Variants in PHF14 observed in about 807,000 individuals in gnomAD.
PHF14 encodes the protein PHD finger protein 14.
In PHF14, 55 loss-of-function variants were observed where a neutral mutation model predicts 117.9. That is an observed-to-expected ratio of 0.47 (90% CI 0.38 to 0.58). The LOEUF (loss-of-function observed/expected upper bound fraction) is 0.58, where lower values mean the gene tolerates loss of function less well. Among genes scored for constraint, PHF14 ranks in the 20% least tolerant of loss-of-function variants. The pLI, the probability that PHF14 is intolerant of heterozygous loss-of-function variation, is 0.00. For synonymous variants in PHF14, 409 were observed against 368.6 expected, an observed-to-expected ratio of 1.11 and a Z score of -1.26; for missense variants, 978 against 1,122.2, an observed-to-expected ratio of 0.87 and a Z score of 1.84.
At chr7:11,055,983 A>G (rs901607819) in intron 14 of PHF14, among the ~76,000 whole-genome samples, 1 of 152,156 alleles carries the variant, frequency 6.6e-6, no homozygotes, top group Non-Finnish European at 1.5e-5. Context: ...CTGGGAAAGA[A>G]GAGTTATTTG....
chr7:11,017,657 C>A (rs1783578655), intron 5 of PHF14, among the ~76,000 whole-genome samples: 1 of 150,934 alleles, frequency 6.6e-6, no homozygotes, highest in Non-Finnish European at 1.5e-5. Context: ...GTTATTTATC[C>A]CTTGTTAGTT....
chr7:10,973,985 T>G lies in PHF14; in HGVS notation c.-339T>G. On this transcript the variant is annotated 5_prime_UTR_variant, in exon 1 of 18. Transcript: ENST00000634607. ...TGCTTCTGGTCCAGGCTAATAAAGT[T>G]TTTCTTTCTTTAATTTTTTTTCTTC... 1 of 268,146 alleles carries G rather than the reference T, an allele frequency of 3.7e-6. No homozygotes were observed. The highest frequency in any genetic ancestry group is 7.2e-6 in the Non-Finnish European group (1 of 137,960). 16.6% of individuals were successfully genotyped at this position (268,146 alleles called of 1,614,324 possible).
intron 16 of PHF14, among the ~76,000 whole-genome samples, chr7:11,093,791 A>T (rs1452340281): frequency 6.6e-6 from 1 of 152,050 alleles, no homozygotes; most frequent in African/African-American, 2.4e-5. Context: ...TTCCTATGGC[A>T]GCTTTATTCT....
intron 17 of PHF14, among the ~76,000 whole-genome samples, chr7:11,149,349 T>G (rs17163999): frequency 0.021 from 3,173 of 152,224 alleles, 106 homozygotes; most frequent in East Asian, 0.13. Context: ...TTAGGAGACA[T>G]AAATTCAGAT....
intron 13 of PHF14, among the ~76,000 whole-genome samples, chr7:11,043,422 C>G (rs1409277872): frequency 6.6e-6 from 1 of 151,910 alleles, no homozygotes; most frequent in Non-Finnish European, 1.5e-5. Context: ...AATGATTTCT[C>G]ATAGGAAGGA....
chr7:11,148,557 T>A (rs1788617644), intron 17 of PHF14, among the ~76,000 whole-genome samples: 1 of 151,986 alleles, frequency 6.6e-6, no homozygotes, highest in South Asian at 2.1e-4. Context: ...CTTTACCCTG[T>A]TTCTTTCACT....
intron 2 of PHF14, among the ~76,000 whole-genome samples, chr7:10,976,123 TA>T (rs1781854697): frequency 6.6e-6 from 1 of 152,214 alleles, no homozygotes; most frequent in Non-Finnish European, 1.5e-5. Flanking sequence ...CTTCAGAATT[TA>T]GTCTGTTTAT....
intron 7 of PHF14, among the ~76,000 whole-genome samples, chr7:11,029,950 A>G (rs1351349296): frequency 2.6e-5 from 4 of 152,038 alleles, no homozygotes; most frequent in African/African-American, 9.7e-5. Flanking sequence ...AGATACTCTG[A>G]TGAAGAAAAA....
At chr7:11,061,083 G>C in intron 14 of PHF14, among the ~76,000 whole-genome samples, 1 of 152,106 alleles carries the variant, frequency 6.6e-6, no homozygotes. Flanking sequence ...AGGGAACAGT[G>C]GTCTGCATAT....
At chr7:11,006,314 C>T in intron 4 of PHF14, 1 of 407,374 alleles carries the variant, frequency 2.5e-6, no homozygotes, top group Non-Finnish European at 4.7e-6. Flanking sequence ...CTGTTACTTG[C>T]CTGTCATTTT....
intron 17 of PHF14, among the ~76,000 whole-genome samples, chr7:11,118,112 T>C (rs760070107): frequency 4.0e-5 from 6 of 151,898 alleles, no homozygotes; most frequent in Non-Finnish European, 8.8e-5. Flanking sequence ...GCCTTTTTAC[T>C]AATACAGATA....
intron 6 of PHF14, among the ~76,000 whole-genome samples, chr7:11,026,078 C>T (rs1420558737): frequency 6.7e-6 from 1 of 149,174 alleles, no homozygotes; most frequent in African/African-American, 2.5e-5. Context: ...CACCACTGCA[C>T]TCCAGCCTGG....
At chr7:11,141,005 G>A (rs1185562683) in intron 17 of PHF14, among the ~76,000 whole-genome samples, 1 of 152,000 alleles carries the variant, frequency 6.6e-6, no homozygotes, top group African/African-American at 2.4e-5. Context: ...AGTAAAATAT[G>A]TTCTGAGGAA....
At chr7:11,120,048 TA>T (rs1298230683) in intron 17 of PHF14, among the ~76,000 whole-genome samples, 9 of 113,878 alleles carry the variant, frequency 7.9e-5, no homozygotes, top group African/African-American at 3.1e-4. Flanking sequence ...TGATAATAGT[TA>T]TTTTTTCCCA....
At chr7:11,111,707 T>A (rs931183495) in intron 17 of PHF14, among the ~76,000 whole-genome samples, 3 of 152,124 alleles carry the variant, frequency 2.0e-5, no homozygotes, top group Non-Finnish European at 4.4e-5. Context: ...TATTCTCTAT[T>A]ATTGTAACAT....
chr7:11,062,669 A>G (rs1785269187), intron 16 of PHF14: 2 of 982,672 alleles, frequency 2.0e-6, no homozygotes, highest in Admixed American at 6.2e-5. Context: ...TTTTTTAATC[A>G]GACATAATGC....
At chr7:11,129,803 A>T (rs774787294) in intron 17 of PHF14, among the ~76,000 whole-genome samples, 43 of 152,016 alleles carry the variant, frequency 2.8e-4, no homozygotes, top group Admixed American at 7.2e-4. Flanking sequence ...GCATGTATGC[A>T]TTTAATTATG....
intron 17 of PHF14, among the ~76,000 whole-genome samples, chr7:11,125,003 A>G (rs1483147066): frequency 6.6e-6 from 1 of 152,114 alleles, no homozygotes; most frequent in Admixed American, 6.5e-5. Flanking sequence ...GGGAAGATGA[A>G]TGTGGAAGAT....
At chr7:11,143,258 A>T (rs1043095782) in intron 17 of PHF14, among the ~76,000 whole-genome samples, 1 of 152,122 alleles carries the variant, frequency 6.6e-6, no homozygotes. Flanking sequence ...CATTTAGCAT[A>T]AATGTTTTCT....
Sources: gnomAD v4.1 joint callset for allele counts (sites outside exome capture counted in the v4.1 genomes callset) on GRCh38, gnomAD v4.1.1 for gene constraint, MANE v1.5 for transcripts, NCBI Gene and HGNC (gene_info 2026-07-23, HGNC 2026-07-21) for gene names.